Variants in UHRF2 observed in about 807,000 individuals in gnomAD.
UHRF2 encodes E3 ubiquitin-protein ligase UHRF2.
UHRF2 carries 23 observed loss-of-function variants against 96.8 expected under a neutral mutation model. That is an observed-to-expected ratio of 0.24 (90% CI 0.17 to 0.34). UHRF2 has a LOEUF of 0.34. Ranked by LOEUF, UHRF2 falls within the 10% of genes least tolerant of loss-of-function variation. The probability of loss-of-function intolerance (pLI) is 1.00; values close to 1 mark genes in which losing one functional copy is unlikely to be tolerated. For synonymous variants in UHRF2, 385 were observed against 332.6 expected, an observed-to-expected ratio of 1.16 and a Z score of -1.72; for missense variants, 685 against 981.5, an observed-to-expected ratio of 0.70 and a Z score of 4.04.
At chr9:6,438,890 G>A (rs922541871) in intron 3 of UHRF2, among the ~76,000 whole-genome samples, 3 of 152,130 alleles carry the variant, frequency 2.0e-5, no homozygotes, top group Admixed American at 2.0e-4. Context: ...ACAATCTTTA[G>A]TCTATGAGGA....
At chr9:6,469,295 G>A (rs1019928007) in intron 4 of UHRF2, among the ~76,000 whole-genome samples, 8 of 152,136 alleles carry the variant, frequency 5.3e-5, no homozygotes, top group Non-Finnish European at 1.0e-4. Context: ...CGAGGCAGGT[G>A]GATCATGAGG....
intron 4 of UHRF2, among the ~76,000 whole-genome samples, chr9:6,474,173 A>G (rs2130888220): frequency 6.6e-6 from 1 of 152,358 alleles, no homozygotes; most frequent in Admixed American, 6.5e-5. Context: ...ATTGGTGGTC[A>G]CAACGGATGT....
chr9:6,454,039 TTATG>T (rs1354548182), intron 3 of UHRF2, among the ~76,000 whole-genome samples: 1 of 152,222 alleles, frequency 6.6e-6, no homozygotes, highest in African/African-American at 2.4e-5. Context: ...TTTACCCCCA[TTATG>T]TACTGTTCTA....
intron 2 of UHRF2, among the ~76,000 whole-genome samples, chr9:6,428,942 A>G (rs888296687): frequency 6.6e-6 from 1 of 152,120 alleles, no homozygotes; most frequent in Non-Finnish European, 1.5e-5. Context: ...GGACAAGTGG[A>G]TCACTTGAGG....
In UHRF2 at chr9:6,479,670, T is replaced by C. The variant is rs149758949; in HGVS notation, c.1160+1862T>C. On this transcript the variant is annotated intron_variant, in intron 6 of 15. Transcript: ENST00000276893. ...ACTGGGACCACAAAATTAGTCCAGATGGAGTTCTTGATTTCCACAAACTCC... is the reference window on the plus strand; with the variant it reads ...ACTGGGACCACAAAATTAGTCCAGACGGAGTTCTTGATTTCCACAAACTCC... Among the ~76,000 whole-genome samples the C allele has an allele frequency of 6.0e-3, 912 of 152,342 alleles. 9 individuals are homozygous for C. Among genetic ancestry groups the C allele is most frequent in the African/African-American group, 0.02 (813 of 41,578 alleles).
chr9:6,480,095 A>G (rs1209575516), intron 6 of UHRF2, among the ~76,000 whole-genome samples: 1 of 152,196 alleles, frequency 6.6e-6, no homozygotes, highest in Non-Finnish European at 1.5e-5. Context: ...TCGGTTGCTT[A>G]TCACTAACCT....
chr9:6,432,910 C>T lies in UHRF2; in HGVS notation c.385-1004C>T, dbSNP rs565588236. ...AACTGGAGTGCACTGGCACGATCTC[C>T]GTTCACTGCAACCTCCACCTCCCGG... is the stretch of plus-strand genomic sequence containing the variant. On this transcript the variant is annotated intron_variant, in intron 2 of 15. Transcript: ENST00000276893. 9.2e-5 allele frequency among the ~76,000 whole-genome samples: 14 copies of T among 152,080 alleles called. No homozygotes were observed. In the South Asian group the frequency reaches 1.5e-3, roughly 16 times the overall value.
intron 8 of UHRF2, among the ~76,000 whole-genome samples, chr9:6,483,028 A>G (rs962134168): frequency 6.6e-5 from 10 of 152,088 alleles, no homozygotes. Flanking sequence ...TGGATGCTCA[A>G]ATTGCACACA....
chr9:6,419,722 A>C (rs141195427), intron 1 of UHRF2, among the ~76,000 whole-genome samples: 2 of 152,238 alleles, frequency 1.3e-5, no homozygotes, highest in Non-Finnish European at 2.9e-5. Flanking sequence ...AGCCACAATG[A>C]AACATTTTGG....
intron 3 of UHRF2, among the ~76,000 whole-genome samples, chr9:6,447,710 A>G (rs1047699048): frequency 6.6e-6 from 1 of 152,202 alleles, no homozygotes; most frequent in African/African-American, 2.4e-5. Context: ...CCCCGAGGAC[A>G]AAAAAAGGCA....
chr9:6,471,593 T>G (rs1823243174), intron 4 of UHRF2, among the ~76,000 whole-genome samples: 1 of 152,158 alleles, frequency 6.6e-6, no homozygotes, highest in South Asian at 2.1e-4. Context: ...CCAGGCAGCT[T>G]TTTTATTTTC....
chr9:6,484,785 C>CTTTTTTTTTTTTT (rs34815980), intron 8 of UHRF2: 4 of 66,302 alleles, frequency 6.0e-5, no homozygotes, highest in Admixed American at 1.9e-4. Context: ...TCACTTCTTT[C>CTTTTTTTTTTTTT]TTTTTTTTTT....
At chr9:6,454,345 T>C (rs1822057414) in intron 3 of UHRF2, among the ~76,000 whole-genome samples, 1 of 152,184 alleles carries the variant, frequency 6.6e-6, no homozygotes, top group African/African-American at 2.4e-5. Context: ...TCATTAAAAA[T>C]GGTTTGAATT....
chr9:6,453,752 A>G (rs1002620224), intron 3 of UHRF2, among the ~76,000 whole-genome samples: 2 of 152,108 alleles, frequency 1.3e-5, no homozygotes, highest in Non-Finnish European at 2.9e-5. Flanking sequence ...AAAATACAAA[A>G]AAACCAACCA....
rs1816272199 is a variant in UHRF2, at chr9:6,501,203, A to C, written c.2163+494A>C. On this transcript the variant is annotated intron_variant, in intron 14 of 15. Transcript: ENST00000276893. ...TCACATAATTTTAAAGTAAAAAGGA[A>C]TCACAGTTAATTAATGTGTGGGCTT... 3.3e-5 allele frequency among the ~76,000 whole-genome samples: 5 copies of C among 152,304 alleles called. 1 individual carries two copies. The South Asian group carries it at 1.0e-3, about 32-fold the overall frequency.
chr9:6,473,060 C>T (rs543511641), intron 4 of UHRF2, among the ~76,000 whole-genome samples: 2 of 152,120 alleles, frequency 1.3e-5, no homozygotes, highest in African/African-American at 4.8e-5. Flanking sequence ...TAACTATGGT[C>T]TCGAAATACC....
chr9:6,479,862 G>C (rs948805656), intron 6 of UHRF2, among the ~76,000 whole-genome samples: 5 of 152,016 alleles, frequency 3.3e-5, no homozygotes, highest in Non-Finnish European at 7.4e-5. Context: ...TCACCTCCCA[G>C]CCCAAACTAC....
At chr9:6,416,643 C>T (rs1819618245) in intron 1 of UHRF2, among the ~76,000 whole-genome samples, 1 of 149,434 alleles carries the variant, frequency 6.7e-6, no homozygotes, top group South Asian at 2.1e-4. Context: ...TCCGGGTTCA[C>T]GCCATTCTGC....
At chr9:6,479,729 A>AGGGCT (rs1248965449) in intron 6 of UHRF2, among the ~76,000 whole-genome samples, 1 of 152,188 alleles carries the variant, frequency 6.6e-6, no homozygotes, top group East Asian at 1.9e-4. Context: ...TCTTCATTAA[A>AGGGCT]TAGTACTAAT....
Sources: gnomAD v4.1 joint callset for allele counts (sites outside exome capture counted in the v4.1 genomes callset) on GRCh38, gnomAD v4.1.1 for gene constraint, MANE v1.5 for transcripts, NCBI Gene and HGNC (gene_info 2026-07-23, HGNC 2026-07-21) for gene names.